PLCD4: variants seen among roughly 807,000 people sequenced by gnomAD.
PLCD4 encodes 1-phosphatidylinositol 4,5-bisphosphate phosphodiesterase delta-4.
In PLCD4, 63 loss-of-function variants were observed where a neutral mutation model predicts 90.2. The ratio of observed to expected loss-of-function variants is 0.70; its 90% confidence interval spans 0.57 to 0.86. The LOEUF is 0.86. Ranked by LOEUF, PLCD4 falls within the 40% of genes least tolerant of loss-of-function variation. The pLI is 0.00. For synonymous variants in PLCD4, 294 were observed against 356.5 expected, an observed-to-expected ratio of 0.82 and a Z score of 1.97; for missense variants, 830 against 956.3, an observed-to-expected ratio of 0.87 and a Z score of 1.74.
Position 218,634,434 on chromosome 2 carries a change from C to A in PLCD4, c.1724-24C>A. ...GAAGGCCTCCATGGTGAATCTTGCT[C>A]TTCTTTTCTCCTGGGGCCCTCAGTG... On this transcript the variant is annotated intron_variant, in intron 12 of 15. Coordinates refer to ENST00000450993, the MANE Select transcript of PLCD4 (RefSeq NM_032726.4). The surrounding 1 kb of genome is among the most constrained non-coding windows in gnomAD (Gnocchi z 4.0). The A allele has an allele frequency of 6.2e-7, 1 of 1,603,904 alleles. No homozygotes were observed. The highest frequency in any genetic ancestry group is 8.5e-7 in the Non-Finnish European group (1 of 1,174,934).
chr2:218,615,910 C>T lies in PLCD4; in HGVS notation c.29C>T (p.Thr10Ile). 1 of 1,614,014 alleles carries T rather than the reference C, an allele frequency of 6.2e-7. No individual in the cohort carries two copies. The highest frequency in any genetic ancestry group is 8.5e-7 in the Non-Finnish European group (1 of 1,179,888). ...CCTGCTTTTCCTGACCTAGAGCTGACCACTGATCAGGACTTGCTGCTGATG... is the reference window on the plus strand; with the variant it reads ...CCTGCTTTTCCTGACCTAGAGCTGATCACTGATCAGGACTTGCTGCTGATG... MASLLQDQLTTDQDLLLMQE... is the reference protein window; with the variant it reads MASLLQDQLITDQDLLLMQE... The change falls in exon 3 of 16, where the codon ACC (threonine) becomes ATC (isoleucine). Residue 10 changes from threonine (T) to isoleucine (I), a missense_variant. Transcript: ENST00000450993.
intron 8 of PLCD4, 102 bp downstream of exon 8, chr2:218,629,765 A>T: frequency 7.7e-7 from 1 of 1,298,672 alleles, no homozygotes; most frequent in South Asian, 1.4e-5. Context: ...GGGAAGTTCC[A>T]TCAAAAGAGG....
At chr2:218,633,884 A>G (rs988320346) in intron 11 of PLCD4, 123 bp downstream of exon 11, 1 of 1,293,218 alleles carries the variant, frequency 7.7e-7, no homozygotes, top group African/African-American at 1.5e-5. Context: ...GAGTTCAGAA[A>G]CTCCTTAGAG....
chr2:218,615,835 G>A (rs1575015432), intron 2 of PLCD4, 69 bp from the exon 3 acceptor site: 1 of 1,605,016 alleles, frequency 6.2e-7, no homozygotes, highest in South Asian at 1.1e-5. Context: ...TTGGACCCCT[G>A]TTCCAGAGCT....
chr2:218,622,079 C>CAAAAAAAAAAAAAA (rs35127247), intron 5 of PLCD4: 1 of 85,996 alleles, frequency 1.2e-5, no homozygotes, highest in Non-Finnish European at 2.2e-5. Flanking sequence ...GACTCTGTCT[C>CAAAAAAAAAAAAAA]AAAAAAAAAA....
In PLCD4 at chr2:218,633,399, C is replaced by T. The variant is rs186247112; in HGVS notation, c.1450-206C>T. 6.4e-3 allele frequency: 4,565 copies of T among 716,992 alleles called. 16 individuals are homozygous for T. The highest frequency in any genetic ancestry group is 0.01 in the Middle Eastern group (45 of 4,410). The allele number at this position is 716,992 out of a possible 1,614,324, so 44.4% of individuals were successfully genotyped here. A position where few individuals can be genotyped will look rare whatever the true frequency, so the allele number is the denominator to read the frequency against. The stretch of plus-strand genomic sequence containing the variant: ...TCCCACCCCCAGGTTGTGACGTGCC[C>T]GCTGTTTTGTCCGTCTATCTGTTGT... On this transcript the variant is annotated intron_variant, in intron 10 of 15. Transcript: ENST00000450993.
At chr2:218,619,217 T>C (rs556655031) in intron 4 of PLCD4, among the ~76,000 whole-genome samples, 1 of 152,158 alleles carries the variant, frequency 6.6e-6, no homozygotes, top group East Asian at 1.9e-4. Context: ...CATTCATTCA[T>C]GATCTATTAA....
chr2:218,634,753 CT>C lies in PLCD4; in HGVS notation c.1896+127del. On this transcript the variant is annotated intron_variant, in intron 13 of 15. Coordinates refer to ENST00000450993, the MANE Select transcript of PLCD4 (RefSeq NM_032726.4). The surrounding 1 kb of genome is among the most constrained non-coding windows in gnomAD (Gnocchi z 4.0). ...GCCTATTAACAGTGTCTAGTTTTAG[CT>C]TTTGGAGCCAGCTGCCTAGCTTCAA... The C allele has an allele frequency of 8.4e-7, 1 of 1,190,052 alleles. No individual in the cohort carries two copies. Among genetic ancestry groups the C allele is most frequent in the East Asian group, 2.4e-5 (1 of 42,362 alleles). The allele number at this position is 1,190,052 out of a possible 1,614,324, so 73.7% of individuals were successfully genotyped here. A position where few individuals can be genotyped will look rare whatever the true frequency, so the allele number is the denominator to read the frequency against.
chr2:218,628,245 G>A lies in PLCD4; in HGVS notation c.974+15G>A, dbSNP rs919596397. 4 of 1,611,272 alleles carry A rather than the reference G, an allele frequency of 2.5e-6. No individual in the cohort carries two copies. Among genetic ancestry groups the A allele is most frequent in the East Asian group, 2.2e-5 (1 of 44,880 alleles). On this transcript the variant is annotated intron_variant, in intron 7 of 15. Coordinates refer to ENST00000450993, the MANE Select transcript of PLCD4 (RefSeq NM_032726.4). ...GGATATATACGGTGCAGTGGTGGTA[G>A]AGAAGGGGTCCAACTCATGAGAGGG...
At chr2:218,613,392 C>CAAA (rs36096465) in intron 1 of PLCD4, among the ~76,000 whole-genome samples, 4 of 76,754 alleles carry the variant, frequency 5.2e-5, no homozygotes, top group African/African-American at 5.3e-5. Context: ...AGTCTGTCTC[C>CAAA]AAAAAAAAAA....
intron 3 of PLCD4, among the ~76,000 whole-genome samples, chr2:218,616,953 GA>G (rs1695632101): frequency 1.3e-5 from 1 of 75,630 alleles, no homozygotes; most frequent in Non-Finnish European, 2.7e-5. Flanking sequence ...GAGAGAGAGA[GA>G]GAGAGAGAGA....
rs745368754 is a variant in PLCD4 at position 218,618,877 on chromosome 2, G to A, written c.410+70G>A. On this transcript the variant is annotated intron_variant, in intron 4 of 15. Coordinates refer to ENST00000450993, the MANE Select transcript of PLCD4 (RefSeq NM_032726.4). Reference sequence around the variant, plus strand: ...TCCCTGAAGGAGCCAGATGCAACAGGTTTAGGAAAGGTGAGAAGGGGTGCA... The same window carrying A: ...TCCCTGAAGGAGCCAGATGCAACAGATTTAGGAAAGGTGAGAAGGGGTGCA... The A allele has an allele frequency of 2.1e-4, 310 of 1,453,214 alleles. 1 individual carries two copies. The highest frequency in any genetic ancestry group is 2.8e-4 in the Non-Finnish European group (296 of 1,062,890). 90.0% of individuals were successfully genotyped at this position (1,453,214 alleles called of 1,614,324 possible). A position where few individuals can be genotyped will look rare whatever the true frequency, so the allele number is the denominator to read the frequency against.
intron 1 of PLCD4, 74 bp from the exon 2 acceptor site, chr2:218,615,633 A>C: frequency 7.4e-7 from 1 of 1,344,622 alleles, no homozygotes; most frequent in Non-Finnish European, 1.0e-6. Context: ...TAAACTCAAA[A>C]TTAGAAGCAA....
chr2:218,632,071 G>T, intron 9 of PLCD4, 65 bp from the exon 10 acceptor site: 2 of 1,480,122 alleles, frequency 1.4e-6, no homozygotes. Context: ...CAATGAGACT[G>T]GCATGATTCC....
Position 218,634,196 on chromosome 2 carries a change from A to T in PLCD4, c.1698A>T (p.Glu566Asp), listed in dbSNP as rs758283017. 14 of 1,611,562 alleles carry T rather than the reference A, an allele frequency of 8.7e-6. No homozygotes were observed. The highest frequency in any genetic ancestry group is 1.2e-5 in the Non-Finnish European group (14 of 1,178,914). ...RTDSSNYNPQ[E>D]LWNAGCQMVA... ...ACTCTTCCAACTACAACCCCCAGGA[A>T]CTCTGGAATGCAGGCTGCCAGATGG... is the stretch of plus-strand genomic sequence containing the variant. The change falls in exon 12 of 16, where the codon GAA becomes GAT. Residue 566 changes from glutamate (E) to aspartate (D), a missense_variant. Transcript: ENST00000450993. The surrounding 1 kb of genome is among the most constrained non-coding windows in gnomAD (Gnocchi z 4.0).
rs1696585771 is a variant in PLCD4 at position 218,634,366 on chromosome 2, T to G, written c.1724-92T>G. 3.8e-6 allele frequency: 6 copies of G among 1,559,290 alleles called. No homozygotes were observed. The highest frequency in any genetic ancestry group is 5.2e-6 in the Non-Finnish European group (6 of 1,143,648). ...CAGTGGATATTACCAGCAGGTACCG[T>G]GCACCCAGTACCTATCTTCTTAACT... is the stretch of plus-strand genomic sequence containing the variant. On this transcript the variant is annotated intron_variant, in intron 12 of 15. Coordinates refer to ENST00000450993, the MANE Select transcript of PLCD4 (RefSeq NM_032726.4). This position sits in a 1 kb window ranked among gnomAD's most constrained non-coding sequence, Gnocchi z 4.0.
intron 6 of PLCD4, among the ~76,000 whole-genome samples, chr2:218,623,549 C>G (rs1042822474): frequency 6.6e-6 from 1 of 152,226 alleles, no homozygotes; most frequent in Non-Finnish European, 1.5e-5. Flanking sequence ...ATAATAAATA[C>G]TTTACAAGGA....
chr2:218,628,158 T>A lies in PLCD4; in HGVS notation c.902T>A (p.Ile301Asn), dbSNP rs759075590. 4 of 1,614,060 alleles carry A rather than the reference T, an allele frequency of 2.5e-6. No homozygotes were observed. In the Admixed American group the frequency reaches 6.7e-5, roughly 27 times the overall value. Reference sequence around the variant, plus strand: ...ACTCAACCCCTGAACCACTACTTCATCTGCTCTTCTCATAACACCTACCTA... The same window carrying A: ...ACTCAACCCCTGAACCACTACTTCAACTGCTCTTCTCATAACACCTACCTA... ...DMTQPLNHYF[I>N]CSSHNTYLVG... Residue 301 changes from isoleucine to asparagine, a missense_variant, in exon 7 of 16, where the codon ATC (isoleucine) becomes AAC (asparagine). Transcript: ENST00000450993.
At chr2:218,621,425 C>T in intron 4 of PLCD4, 45 bp from the exon 5 acceptor site, 1 of 1,610,244 alleles carries the variant, frequency 6.2e-7, no homozygotes, top group Non-Finnish European at 8.5e-7. Context: ...CACAACTGCA[C>T]ACACAAACAG....
Sources: gnomAD v4.1 joint callset for allele counts (sites outside exome capture counted in the v4.1 genomes callset) on GRCh38, gnomAD v4.1.1 for gene constraint, Gnocchi (gnomAD v3.1) non-coding constraint, MANE v1.5 for transcripts, NCBI Gene and HGNC (gene_info 2026-07-23, HGNC 2026-07-21) for gene names.